The following SYT9 variants were observed in gnomAD, a reference collection of about 807,000 sequenced individuals.
SYT9 encodes the protein synaptotagmin 9.
In SYT9, 22 loss-of-function variants were observed where a neutral mutation model predicts 48.4. That is an observed-to-expected ratio of 0.45 (90% CI 0.32 to 0.65). The LOEUF is 0.65. Among genes scored for constraint, SYT9 ranks in the 30% least tolerant of loss-of-function variants. SYT9 has a pLI of 0.03. For synonymous variants in SYT9, 265 were observed against 245.0 expected (o/e 1.08, Z -0.76); for missense variants, 577 against 622.0 (o/e 0.93, Z 0.77).
intron 3 of SYT9, among the ~76,000 whole-genome samples, chr11:7,330,299 C>T (rs1849503894): frequency 6.6e-6 from 1 of 151,994 alleles, no homozygotes; most frequent in Non-Finnish European, 1.5e-5. Flanking sequence ...AAGCAAGACT[C>T]AAAAATCTAC....
At chr11:7,452,598 C>T (rs759072796) in intron 6 of SYT9, among the ~76,000 whole-genome samples, 2 of 152,160 alleles carry the variant, frequency 1.3e-5, no homozygotes, top group Non-Finnish European at 2.9e-5. Context: ...CCTTCCCTTC[C>T]AGAGTGCTTT....
chr11:7,428,923 G>C (rs1847515606), intron 6 of SYT9, among the ~76,000 whole-genome samples: 1 of 152,146 alleles, frequency 6.6e-6, no homozygotes, highest in African/African-American at 2.4e-5. Flanking sequence ...AATAGAAATT[G>C]GGAAGTCCCA....
At chr11:7,339,038 C>T (rs1339225248) in intron 3 of SYT9, among the ~76,000 whole-genome samples, 2 of 152,126 alleles carry the variant, frequency 1.3e-5, no homozygotes, top group African/African-American at 4.8e-5. Context: ...GTGTTGGATG[C>T]ATATATATTT....
At chr11:7,386,814 T>C (rs1589989420) in intron 3 of SYT9, among the ~76,000 whole-genome samples, 1 of 152,264 alleles carries the variant, frequency 6.6e-6, no homozygotes, top group East Asian at 1.9e-4. Context: ...ACCCAAAGGA[T>C]TATAAATCAT....
intron 1 of SYT9, among the ~76,000 whole-genome samples, chr11:7,276,493 C>G (rs995787417): frequency 6.6e-6 from 1 of 152,040 alleles, no homozygotes; most frequent in Non-Finnish European, 1.5e-5. Flanking sequence ...TAGCATGACA[C>G]GTGAGAATAT....
chr11:7,400,707 A>G lies in SYT9; in HGVS notation c.1045-15335A>G, dbSNP rs4466806. On this transcript the variant is annotated intron_variant, in intron 3 of 6. Transcript: ENST00000318881. ...AAGACAAAAATCAGTGTCAAAGCAG[A>G]TAACTCTGGAGAAGATATTTTTAAA... 2.9e-3 allele frequency among the ~76,000 whole-genome samples: 443 copies of G among 152,348 alleles called. 2 individuals are homozygous for G. Among genetic ancestry groups the G allele is most frequent in the African/African-American group, 0.01 (427 of 41,586 alleles).
intron 3 of SYT9, among the ~76,000 whole-genome samples, chr11:7,325,443 G>A (rs1257698123): frequency 7.9e-6 from 1 of 127,368 alleles, no homozygotes. Flanking sequence ...GAATGCTTGT[G>A]ATTTTTGTAT....
chr11:7,465,516 A>C (rs1194081350), intron 6 of SYT9, among the ~76,000 whole-genome samples: 1 of 152,216 alleles, frequency 6.6e-6, no homozygotes, highest in Non-Finnish European at 1.5e-5. Flanking sequence ...TCTGTGCTGG[A>C]AGGTGCCCTG....
At chr11:7,256,356 CT>C (rs1187119760) in intron 1 of SYT9, among the ~76,000 whole-genome samples, 1 of 152,154 alleles carries the variant, frequency 6.6e-6, no homozygotes, top group Non-Finnish European at 1.5e-5. Flanking sequence ...CCCAGACCCA[CT>C]GAATATGAAT....
At chr11:7,458,486 A>AAATT (rs71470483) in intron 6 of SYT9, among the ~76,000 whole-genome samples, 68,738 of 151,298 alleles carry the variant, frequency 0.45, 18,795 homozygotes, top group African/African-American at 0.77. Flanking sequence ...CATCTCAAAA[A>AAATT]AATTAATTAA....
rs1367459073 is a variant in SYT9, at chr11:7,303,358, G to A, written c.465G>A (p.Gln155=). 3.1e-6 allele frequency: 5 copies of A among 1,611,634 alleles called. No homozygotes were observed. Among genetic ancestry groups the A allele is most frequent in the African/African-American group, 1.3e-5 (1 of 74,888 alleles). The change falls in exon 2 of 7, where the codon CAG becomes CAA. Residue 155 remains glutamine, a synonymous_variant. Transcript: ENST00000318881. ...ACTGTGCCCATGGCGTCCGCGTGCA[G>A]CGCCAAGTCACAGAGCCAACCTCGT... ...QENCAHGVRV[Q]RQVTEPTSSA...
At chr11:7,451,319 T>C (rs1848043437) in intron 6 of SYT9, among the ~76,000 whole-genome samples, 1 of 152,232 alleles carries the variant, frequency 6.6e-6, no homozygotes, top group Admixed American at 6.5e-5. Flanking sequence ...CTGTGTGGTT[T>C]TCCCACAGAT....
chr11:7,409,313 T>G (rs765918118), intron 3 of SYT9, among the ~76,000 whole-genome samples: 6 of 152,138 alleles, frequency 3.9e-5, no homozygotes, highest in Non-Finnish European at 7.4e-5. Context: ...AGTAGTTTGT[T>G]GAGGATTTAT....
At chr11:7,347,449 G>A (rs2133997935) in intron 3 of SYT9, among the ~76,000 whole-genome samples, 1 of 152,128 alleles carries the variant, frequency 6.6e-6, no homozygotes, top group African/African-American at 2.4e-5. Flanking sequence ...TGGCCAGGCT[G>A]GTCTCGAACT....
chr11:7,247,397 A>G (rs995880540), upstream of SYT9, among the ~76,000 whole-genome samples: 1 of 151,728 alleles, frequency 6.6e-6, no homozygotes, highest in Non-Finnish European at 1.5e-5. Flanking sequence ...AATAGCCTCC[A>G]GTCTCATCCA....
At chr11:7,358,500 T>A (rs942868305) in intron 3 of SYT9, among the ~76,000 whole-genome samples, 1 of 152,140 alleles carries the variant, frequency 6.6e-6, no homozygotes, top group African/African-American at 2.4e-5. Context: ...TCTACAGAAA[T>A]GGGGCAAGCA....
At chr11:7,458,354 G>A (rs755536950) in intron 6 of SYT9, among the ~76,000 whole-genome samples, 39 of 152,060 alleles carry the variant, frequency 2.6e-4, no homozygotes, top group Non-Finnish European at 5.0e-4. Context: ...GGTGGCGGTC[G>A]CCTGTAATCC....
intron 3 of SYT9, among the ~76,000 whole-genome samples, chr11:7,365,183 A>G (rs185149058): frequency 1.3e-4 from 20 of 149,188 alleles, no homozygotes; most frequent in East Asian, 5.9e-4. Flanking sequence ...ATGATTGTGG[A>G]AAAAAAAAAG....
chr11:7,260,832 C>T (rs1848065135), intron 1 of SYT9, among the ~76,000 whole-genome samples: 1 of 152,190 alleles, frequency 6.6e-6, no homozygotes, highest in African/African-American at 2.4e-5. Context: ...CAAGTTTAGT[C>T]ATCTGGTTCA....
Sources: allele counts gnomAD v4.1 joint callset (sites outside exome capture counted in the v4.1 genomes callset), GRCh38; gene constraint gnomAD v4.1.1; transcripts MANE v1.5; gene names NCBI Gene and HGNC (gene_info 2026-07-23, HGNC 2026-07-21).